SYT16: variants seen among roughly 807,000 people sequenced by gnomAD.
The protein encoded by SYT16 is synaptotagmin-16.
Under a neutral mutation model 61.4 loss-of-function variants are expected in SYT16, and 42 were observed. That is an observed-to-expected ratio of 0.68 (90% CI 0.53 to 0.89). The LOEUF (loss-of-function observed/expected upper bound fraction) is 0.89. SYT16 is among the 40% of genes least tolerant of loss of function. The pLI is 0.00. For synonymous variants in SYT16, 314 were observed against 302.3 expected (o/e 1.04, Z -0.40); for missense variants, 804 against 807.3 (o/e 1.00, Z 0.05).
At chr14:61,931,895 G>A (rs1302035902) in intron 1 of SYT16, among the ~76,000 whole-genome samples, 1 of 152,186 alleles carries the variant, frequency 6.6e-6, no homozygotes, top group East Asian at 1.9e-4. Flanking sequence ...AAAGGCTCTG[G>A]AATGTTAATG....
intron 1 of SYT16, among the ~76,000 whole-genome samples, chr14:61,934,635 A>G (rs1039549824): frequency 2.0e-5 from 3 of 152,244 alleles, no homozygotes; most frequent in African/African-American, 7.2e-5. Flanking sequence ...AAAGCGTTGG[A>G]TGCAGCATAG....
intron 3 of SYT16, among the ~76,000 whole-genome samples, chr14:62,033,215 A>T (rs2054373537): frequency 1.3e-5 from 1 of 78,728 alleles, no homozygotes; most frequent in South Asian, 5.5e-4. Context: ...CTATTTTATA[A>T]ATCAAAATAA....
At chr14:62,033,816 A>T (rs181860065) in intron 3 of SYT16, among the ~76,000 whole-genome samples, 16 of 152,272 alleles carry the variant, frequency 1.1e-4, no homozygotes, top group Admixed American at 2.0e-4. Context: ...TATTAGATAT[A>T]ACACTAAAAG....
intron 2 of SYT16, among the ~76,000 whole-genome samples, chr14:61,980,960 T>TTGTG (rs3081455): frequency 8.7e-5 from 13 of 148,994 alleles, no homozygotes; most frequent in African/African-American, 2.5e-4. Flanking sequence ...GTGTGTGTGT[T>TTGTG]TGTGTGTGTG....
At chr14:61,889,952 G>A (rs1221140632) in intron 1 of SYT16, among the ~76,000 whole-genome samples, 2 of 151,830 alleles carry the variant, frequency 1.3e-5, no homozygotes, top group African/African-American at 4.8e-5. Flanking sequence ...GGACTCAGAG[G>A]GGCTGGATAC....
intron 3 of SYT16, among the ~76,000 whole-genome samples, chr14:62,022,178 CTG>C (rs2053936246): frequency 1.3e-5 from 2 of 151,930 alleles, no homozygotes; most frequent in South Asian, 4.2e-4. Flanking sequence ...CCATATGAGA[CTG>C]TTTTCTGTTA....
chr14:61,953,474 C>G (rs2050751612), intron 1 of SYT16, among the ~76,000 whole-genome samples: 1 of 151,980 alleles, frequency 6.6e-6, no homozygotes, highest in African/African-American at 2.4e-5. Flanking sequence ...ACTCTGTGGA[C>G]CAAGCCTTTT....
chr14:62,016,910 G>A (rs1338297822), intron 3 of SYT16, among the ~76,000 whole-genome samples: 1 of 152,038 alleles, frequency 6.6e-6, no homozygotes, highest in African/African-American at 2.4e-5. Context: ...ACTCATCCCT[G>A]TATCCCATCA....
chr14:61,969,623 G>A (rs950090091), intron 1 of SYT16, among the ~76,000 whole-genome samples: 15 of 152,102 alleles, frequency 9.9e-5, no homozygotes, highest in African/African-American at 3.4e-4. Context: ...TTGCACAGCT[G>A]GATTTGCAAA....
chr14:61,887,562 G>T (rs1177149176), intron 1 of SYT16, among the ~76,000 whole-genome samples: 1 of 152,192 alleles, frequency 6.6e-6, no homozygotes, highest in Non-Finnish European at 1.5e-5. Flanking sequence ...GGTATAACCA[G>T]CTTCATTAAT....
At chr14:61,891,862 G>A (rs1418841745) in intron 1 of SYT16, among the ~76,000 whole-genome samples, 1 of 152,148 alleles carries the variant, frequency 6.6e-6, no homozygotes, top group East Asian at 1.9e-4. Flanking sequence ...ATAATTATGT[G>A]TCCATGTTTT....
At chr14:61,812,296 G>A (rs2045295886), upstream of SYT16, 1 of 152,416 alleles carries the variant, frequency 6.6e-6, no homozygotes, top group African/African-American at 2.4e-5. Flanking sequence ...CTTCCAGCTG[G>A]GGCTGAGCAT....
intron 3 of SYT16, among the ~76,000 whole-genome samples, chr14:62,044,936 G>A (rs8017388): frequency 0.069 from 10,476 of 152,142 alleles, 465 homozygotes; most frequent in East Asian, 0.12. Context: ...TCAGGAATTC[G>A]AGACCAGCCT....
chr14:62,061,981 A>G (rs918797124), intron 3 of SYT16, among the ~76,000 whole-genome samples: 1 of 152,116 alleles, frequency 6.6e-6, no homozygotes, highest in African/African-American at 2.4e-5. Flanking sequence ...TTTTACTTGT[A>G]GAGGGGTTAG....
At chr14:61,920,938 A>G (rs2049311804) in intron 1 of SYT16, among the ~76,000 whole-genome samples, 1 of 152,210 alleles carries the variant, frequency 6.6e-6, no homozygotes, top group African/African-American at 2.4e-5. Context: ...GTCTGACTCC[A>G]GATGCTCATA....
chr14:61,897,363 C>T (rs1424946444), intron 1 of SYT16: 1 of 152,178 alleles, frequency 6.6e-6, no homozygotes, highest in Non-Finnish European at 1.5e-5. Flanking sequence ...CAGGTAAGAG[C>T]AAAGCGGCCT....
intron 1 of SYT16, among the ~76,000 whole-genome samples, chr14:61,842,951 A>G (rs191693807): frequency 1.5e-3 from 231 of 152,280 alleles, no homozygotes; most frequent in Non-Finnish European, 2.2e-3. Context: ...AAAATTTAAA[A>G]AAGTATCACA....
At chr14:61,816,750 G>T (rs1323696171) in intron 1 of SYT16, among the ~76,000 whole-genome samples, 1 of 152,116 alleles carries the variant, frequency 6.6e-6, no homozygotes, top group African/African-American at 2.4e-5. Flanking sequence ...GGTGGCTCAC[G>T]CCTGTAATCC....
rs144328192 is a variant in SYT16, at chr14:62,101,107, A to G, written c.*400A>G. On this transcript the variant is annotated 3_prime_UTR_variant, in exon 8 of 8. Coordinates refer to ENST00000683842, the MANE Select transcript of SYT16 (RefSeq NM_001367656.1). ...CAACCATTTAGGTGGATGAATCAGA[A>G]TTTTCTTAATATGGTACAAAAAACT... is the stretch of plus-strand genomic sequence containing the variant. 31 of 159,444 alleles carry G rather than the reference A, an allele frequency of 1.9e-4. No individual in the cohort carries two copies. In the East Asian group the frequency reaches 5.2e-3, roughly 27 times the overall value. The allele number at this position is 159,444 out of a possible 1,614,324, so 9.9% of individuals were successfully genotyped here. A position where few individuals can be genotyped will look rare whatever the true frequency, so the allele number is the denominator to read the frequency against.
Sources: gnomAD v4.1 joint callset for allele counts (sites outside exome capture counted in the v4.1 genomes callset) on GRCh38, gnomAD v4.1.1 for gene constraint, MANE v1.5 for transcripts, NCBI Gene and HGNC (gene_info 2026-07-23, HGNC 2026-07-21) for gene names.